Variants in ATF2 observed in about 807,000 individuals in gnomAD.
ATF2 encodes cyclic AMP-dependent transcription factor ATF-2.
ATF2 carries 24 observed loss-of-function variants against 60.6 expected under a neutral mutation model. The observed-to-expected ratio is 0.40, with a 90% confidence interval of 0.29 to 0.56. The LOEUF (loss-of-function observed/expected upper bound fraction) is 0.56, where lower values mean the gene tolerates loss of function less well. Among genes scored for constraint, ATF2 ranks in the 20% least tolerant of loss-of-function variants. The pLI is 0.54. For synonymous variants in ATF2, 206 were observed against 215.4 expected, an observed-to-expected ratio of 0.96 and a Z score of 0.38; for missense variants, 433 against 607.7, an observed-to-expected ratio of 0.71 and a Z score of 3.02.
At chr2:175,098,579 T>C (rs1428579771) in intron 10 of ATF2, among the ~76,000 whole-genome samples, 1 of 151,482 alleles carries the variant, frequency 6.6e-6, no homozygotes, top group East Asian at 1.9e-4. Context: ...GTGAGAACCA[T>C]GTTGCAGCCT....
chr2:175,125,349 C>T (rs1322190658), intron 4 of ATF2, among the ~76,000 whole-genome samples: 1 of 151,848 alleles, frequency 6.6e-6, no homozygotes, highest in African/African-American at 2.4e-5. Context: ...GATGAGTAGC[C>T]AGGTTATATT....
At chr2:175,140,305 TA>T (rs1456528000) in intron 2 of ATF2, among the ~76,000 whole-genome samples, 2 of 152,250 alleles carry the variant, frequency 1.3e-5, no homozygotes, top group Non-Finnish European at 2.9e-5. Flanking sequence ...CTTAAGCGAA[TA>T]AAGAGATTTT....
chr2:175,157,902 G>C (rs1010444602), intron 1 of ATF2, among the ~76,000 whole-genome samples: 4 of 151,860 alleles, frequency 2.6e-5, no homozygotes, highest in Admixed American at 6.6e-5. Context: ...CTAACGCAGA[G>C]AACTGCTTGA....
chr2:175,108,810 C>T (rs1293338798), intron 10 of ATF2, among the ~76,000 whole-genome samples: 3 of 152,196 alleles, frequency 2.0e-5, no homozygotes, highest in Non-Finnish European at 4.4e-5. Flanking sequence ...TGGGAGACTT[C>T]ACTTAGTTCT....
chr2:175,118,035 C>T lies in ATF2; in HGVS notation c.402G>A (p.Gln134=), dbSNP rs751577222. Residue 134 remains glutamine (Q), a synonymous_variant, in exon 7 of 14, where the codon CAG becomes CAA. Transcript: ENST00000264110. ...EEPSVVETTH[Q]DSPLPHPEST... is the part of the protein sequence containing the mutation. ...ACTCTGGGTGAGGTAAAGGACTATCCTGGTGAGTTGTTTCTACAACAGAAG... is the reference window on the plus strand; with the variant it reads ...ACTCTGGGTGAGGTAAAGGACTATCTTGGTGAGTTGTTTCTACAACAGAAG... 39 of 1,611,908 alleles carry T rather than the reference C, an allele frequency of 2.4e-5. No individual in the cohort carries two copies. In the South Asian group the frequency reaches 3.7e-4, roughly 15 times the overall value.
intron 4 of ATF2, among the ~76,000 whole-genome samples, chr2:175,129,452 C>T (rs1337265263): frequency 6.6e-6 from 1 of 151,796 alleles, no homozygotes; most frequent in Non-Finnish European, 1.5e-5. Flanking sequence ...TATTGTAAGT[C>T]AATTATATTT....
At chr2:175,129,155 G>A (rs1016994673) in intron 4 of ATF2, among the ~76,000 whole-genome samples, 2 of 152,026 alleles carry the variant, frequency 1.3e-5, no homozygotes, top group African/African-American at 4.8e-5. Context: ...TCAATGAAAA[G>A]GAATTAACTA....
rs1357571835 is a variant in ATF2 at position 175,072,882 on chromosome 2, T to A, written c.*1727A>T. 1 of 152,152 alleles carries A rather than the reference T, an allele frequency of 6.6e-6. No individual in the cohort carries two copies. The highest frequency in any genetic ancestry group is 2.4e-5 in the African/African-American group (1 of 41,442). The allele number at this position is 152,152 out of a possible 1,614,324, so 9.4% of individuals were successfully genotyped here. A position where few individuals can be genotyped will look rare whatever the true frequency, so the allele number is the denominator to read the frequency against. Reference sequence around the variant, plus strand: ...ATACTTAAAGTCCTGAAATGTCATTTATATAATTTGAATGTTTCCCAGTTT... The same window carrying A: ...ATACTTAAAGTCCTGAAATGTCATTAATATAATTTGAATGTTTCCCAGTTT... On this transcript the variant is annotated 3_prime_UTR_variant, in exon 14 of 14. Coordinates refer to ENST00000264110, the MANE Select transcript of ATF2 (RefSeq NM_001880.4).
intron 3 of ATF2, among the ~76,000 whole-genome samples, chr2:175,135,355 C>T (rs1209522125): frequency 6.6e-6 from 1 of 152,102 alleles, no homozygotes; most frequent in Non-Finnish European, 1.5e-5. Flanking sequence ...AATCAAGCCT[C>T]CCTAGCTCCA....
At chr2:175,144,347 T>C (rs181805591) in intron 2 of ATF2, among the ~76,000 whole-genome samples, 119 of 152,292 alleles carry the variant, frequency 7.8e-4, no homozygotes, top group African/African-American at 2.6e-3. Context: ...AAATTTTATG[T>C]AAACCACTTT....
intron 12 of ATF2, 97 bp downstream of exon 12, chr2:175,092,964 G>T: frequency 8.0e-7 from 1 of 1,257,656 alleles, no homozygotes; most frequent in Non-Finnish European, 1.1e-6. Context: ...CCAATATCAT[G>T]TCCTAAAATG....
At chr2:175,110,949 A>T (rs761353513) in intron 10 of ATF2, among the ~76,000 whole-genome samples, 47 of 152,296 alleles carry the variant, frequency 3.1e-4, no homozygotes, top group Non-Finnish European at 5.4e-4. Flanking sequence ...TTCTACTAAG[A>T]AAATTAGAAC....
rs373861835 is a variant in ATF2, at chr2:175,086,047, A to G, written c.1186-5282T>C. ...AAAATTCAAATAACCAATTTTTTCCACTACACCTTTTAAATGGCAGAAATG... is the reference window on the plus strand; with the variant it reads ...AAAATTCAAATAACCAATTTTTTCCGCTACACCTTTTAAATGGCAGAAATG... On this transcript the variant is annotated intron_variant, in intron 12 of 13. Coordinates refer to ENST00000264110, the MANE Select transcript of ATF2 (RefSeq NM_001880.4). Among the ~76,000 whole-genome samples, 21 of 152,300 alleles carry G rather than the reference A, an allele frequency of 1.4e-4. No homozygotes were observed. The East Asian group carries it at 1.5e-3, about 11-fold the overall frequency.
intron 12 of ATF2, among the ~76,000 whole-genome samples, chr2:175,084,032 T>C (rs530279511): frequency 9.5e-4 from 144 of 152,272 alleles, no homozygotes; most frequent in African/African-American, 3.2e-3. Context: ...GGAACACTTT[T>C]ACACTGTTGG....
chr2:175,106,517 G>C (rs1027249822), intron 10 of ATF2, among the ~76,000 whole-genome samples: 5 of 148,728 alleles, frequency 3.4e-5, no homozygotes, highest in African/African-American at 1.2e-4. Context: ...CAAAGAGAAA[G>C]ACTGTCCAAA....
chr2:175,132,888 C>T (rs560770422), intron 3 of ATF2: 1 of 152,274 alleles, frequency 6.6e-6, no homozygotes, highest in South Asian at 2.1e-4. Flanking sequence ...AAGTTCGAGA[C>T]AAGCCTGGCC....
At chr2:175,098,912 G>A (rs771740736) in intron 10 of ATF2, among the ~76,000 whole-genome samples, 14 of 152,152 alleles carry the variant, frequency 9.2e-5, no homozygotes, top group African/African-American at 2.6e-4. Flanking sequence ...AAAGATCACC[G>A]GAATTTCAAC....
intron 9 of ATF2, among the ~76,000 whole-genome samples, chr2:175,113,330 T>C (rs1005519783): frequency 2.0e-5 from 3 of 151,820 alleles, no homozygotes; most frequent in Admixed American, 2.0e-4. Flanking sequence ...CATAGCTCAC[T>C]GCAGTCTCAA....
chr2:175,141,642 G>A (rs1034102704), intron 2 of ATF2, among the ~76,000 whole-genome samples: 6 of 151,766 alleles, frequency 4.0e-5, no homozygotes, highest in Admixed American at 6.6e-5. Context: ...ACAGGAGCCC[G>A]CCACCATGCC....
Sources: gnomAD v4.1 joint callset for allele counts (sites outside exome capture counted in the v4.1 genomes callset) on GRCh38, gnomAD v4.1.1 for gene constraint, MANE v1.5 for transcripts, NCBI Gene and HGNC (gene_info 2026-07-23, HGNC 2026-07-21) for gene names.